Variants in TTC28 observed in about 807,000 individuals in gnomAD.
TTC28 encodes tetratricopeptide repeat protein 28.
Under a neutral mutation model 198.0 loss-of-function variants are expected in TTC28, and 61 were observed. That is an observed-to-expected ratio of 0.31 (90% CI 0.25 to 0.38). The LOEUF (loss-of-function observed/expected upper bound fraction) is 0.38, where lower values mean the gene tolerates loss of function less well. Ranked by LOEUF, TTC28 falls within the 10% of genes least tolerant of loss-of-function variation. TTC28 has a pLI of 1.00. For synonymous variants in TTC28, 1,171 were observed against 1,297.8 expected (o/e 0.90, Z 2.10); for missense variants, 2,678 against 3,164.0 (o/e 0.85, Z 3.69).
intron 1 of TTC28, among the ~76,000 whole-genome samples, chr22:28,634,077 A>G (rs1401720264): frequency 6.6e-6 from 1 of 152,182 alleles, no homozygotes; most frequent in East Asian, 1.9e-4. Context: ...AGTTAACCAA[A>G]TGTTCACAAA....
At chr22:28,577,470 C>T (rs1384771036) in intron 2 of TTC28, among the ~76,000 whole-genome samples, 3 of 151,926 alleles carry the variant, frequency 2.0e-5, no homozygotes, top group Admixed American at 1.3e-4. Context: ...TCTGTAAATA[C>T]CTATTAGGTC....
At position 28,296,015 on chromosome 22, in the gene TTC28, C is replaced by T. The variant is rs970244251; in HGVS notation, c.933+183G>A. On this transcript the variant is annotated intron_variant, in intron 5 of 22. Transcript: ENST00000397906. Reference sequence around the variant, plus strand: ...TTCTCTATTTCTATATATCCAAGGACTATGCTTGGATATATAGAACACTCA... The same window carrying T: ...TTCTCTATTTCTATATATCCAAGGATTATGCTTGGATATATAGAACACTCA... Among the ~76,000 whole-genome samples the T allele has an allele frequency of 3.9e-5, 6 of 152,142 alleles. No individual in the cohort carries two copies. The East Asian group carries it at 7.7e-4, about 20-fold the overall frequency.
chr22:28,478,699 T>C (rs975399963), intron 2 of TTC28, among the ~76,000 whole-genome samples: 1 of 152,160 alleles, frequency 6.6e-6, no homozygotes, highest in Admixed American at 6.5e-5. Context: ...GATGAGCATA[T>C]ATGTTTGAAA....
At chr22:28,283,489 C>T (rs1303625781) in intron 5 of TTC28, among the ~76,000 whole-genome samples, 1 of 152,070 alleles carries the variant, frequency 6.6e-6, no homozygotes, top group African/African-American at 2.4e-5. Context: ...ATGATGTCAT[C>T]AAAAATCATC....
At chr22:28,203,298 G>A (rs892359837) in intron 5 of TTC28, among the ~76,000 whole-genome samples, 10 of 152,070 alleles carry the variant, frequency 6.6e-5, no homozygotes, top group Non-Finnish European at 1.5e-4. Context: ...AGGCTATTGA[G>A]AAGTAGAAGA....
intron 1 of TTC28, among the ~76,000 whole-genome samples, chr22:28,637,012 T>G (rs917094389): frequency 7.6e-5 from 11 of 145,026 alleles, no homozygotes; most frequent in East Asian, 2.0e-4. Flanking sequence ...CAGTTTTTTT[T>G]TTTTTTTTTT....
chr22:28,464,111 C>T (rs1332005640), intron 2 of TTC28, among the ~76,000 whole-genome samples: 1 of 152,054 alleles, frequency 6.6e-6, no homozygotes, highest in African/African-American at 2.4e-5. Flanking sequence ...AGGTAAGAGA[C>T]ATTTAACCCT....
chr22:28,430,036 ATTTT>A (rs919396993), intron 2 of TTC28, among the ~76,000 whole-genome samples: 3 of 109,974 alleles, frequency 2.7e-5, no homozygotes, highest in African/African-American at 6.8e-5. Flanking sequence ...CTGGAATATG[ATTTT>A]TTTTTTTTTT....
chr22:28,676,774 C>T (rs1264162697), intron 1 of TTC28, among the ~76,000 whole-genome samples: 1 of 150,760 alleles, frequency 6.6e-6, no homozygotes, highest in Non-Finnish European at 1.5e-5. Flanking sequence ...CTTCCAGCTA[C>T]TCAGAAGGCT....
intron 2 of TTC28, among the ~76,000 whole-genome samples, chr22:28,474,341 T>A (rs1478494280): frequency 6.6e-6 from 1 of 152,052 alleles, no homozygotes; most frequent in Non-Finnish European, 1.5e-5. Context: ...CCTATAAGGC[T>A]CAGAAAGTAG....
intron 6 of TTC28, among the ~76,000 whole-genome samples, chr22:28,145,189 T>C (rs1412108067): frequency 2.6e-5 from 4 of 152,198 alleles, no homozygotes; most frequent in Admixed American, 2.6e-4. Flanking sequence ...ACGGCTCTAG[T>C]CATTAAAGCG....
At position 28,609,875 on chromosome 22, in the gene TTC28, G is replaced by A. The variant is rs549002740; in HGVS notation, c.381+19677C>T. Among the ~76,000 whole-genome samples the A allele has an allele frequency of 5.3e-5, 8 of 152,256 alleles. No individual in the cohort carries two copies. The South Asian group carries it at 1.2e-3, about 24-fold the overall frequency. ...ACTGCCAGCACAGCAGTCTGAGGTC[G>A]ACCTGGGACACTCAAGCTTGGTGGG... On this transcript the variant is annotated intron_variant, in intron 2 of 22. Coordinates refer to ENST00000397906, the MANE Select transcript of TTC28 (RefSeq NM_001145418.2).
At chr22:28,260,009 T>C (rs999014894) in intron 5 of TTC28, among the ~76,000 whole-genome samples, 15 of 152,144 alleles carry the variant, frequency 9.9e-5, no homozygotes, top group Admixed American at 2.0e-4. Flanking sequence ...ATCAGGAAAA[T>C]GTCTTCCCAC....
intron 6 of TTC28, among the ~76,000 whole-genome samples, chr22:28,138,610 A>T (rs981379043): frequency 5.3e-5 from 8 of 152,204 alleles, no homozygotes; most frequent in Non-Finnish European, 1.2e-4. Flanking sequence ...TTGTAAGTAT[A>T]CTGATTTGGT....
chr22:27,990,751 C>A, intron 20 of TTC28, 38 bp downstream of exon 20: 2 of 1,547,044 alleles, frequency 1.3e-6, no homozygotes, highest in South Asian at 1.2e-5. Context: ...GGTTGAGGGG[C>A]TCACCTGACA....
At chr22:28,025,540 G>A (rs963434557) in intron 13 of TTC28, among the ~76,000 whole-genome samples, 1 of 152,146 alleles carries the variant, frequency 6.6e-6, no homozygotes, top group Non-Finnish European at 1.5e-5. Flanking sequence ...GCTGCAGCAC[G>A]CCTCCGTACA....
chr22:28,001,754 A>G, intron 14 of TTC28: 1 of 612,796 alleles, frequency 1.6e-6, no homozygotes, highest in Non-Finnish European at 2.8e-6. Flanking sequence ...GTGGACTGGC[A>G]AGGGCTGGCC....
chr22:28,047,771 T>C (rs1939926535), intron 12 of TTC28, among the ~76,000 whole-genome samples: 1 of 152,196 alleles, frequency 6.6e-6, no homozygotes, highest in South Asian at 2.1e-4. Context: ...AAACCCTGGC[T>C]GCTGCATATG....
chr22:28,168,402 C>A (rs1035213775), intron 5 of TTC28, among the ~76,000 whole-genome samples: 7 of 152,184 alleles, frequency 4.6e-5, no homozygotes, highest in African/African-American at 1.2e-4. Context: ...GGAGGCATCA[C>A]GCTACCTGAC....
Sources: allele counts gnomAD v4.1 joint callset (sites outside exome capture counted in the v4.1 genomes callset), GRCh38; gene constraint gnomAD v4.1.1; transcripts MANE v1.5; gene names NCBI Gene and HGNC (gene_info 2026-07-23, HGNC 2026-07-21).